Variants in TSHZ2 observed in about 807,000 individuals in gnomAD.
TSHZ2 encodes the protein teashirt homolog 2.
TSHZ2 carries 21 observed loss-of-function variants against 74.4 expected under a neutral mutation model. The ratio of observed to expected loss-of-function variants is 0.28; its 90% CI spans 0.20 to 0.41. TSHZ2 has a LOEUF of 0.41. TSHZ2 is among the 10% of genes least tolerant of loss of function. The pLI is 1.00. For missense variants in TSHZ2, 1,244 were observed against 1,293.5 expected (o/e 0.96, Z 0.59); for synonymous variants, 540 against 515.3 (o/e 1.05, Z -0.65).
At chr20:53,421,692 T>TTTG (rs1983476818) in intron 2 of TSHZ2, 2 of 141,758 alleles carry the variant, frequency 1.4e-5, no homozygotes, top group South Asian at 4.7e-4. Flanking sequence ...TTTTTTTTTT[T>TTTG]TTTTTTTTTT....
intron 1 of TSHZ2, among the ~76,000 whole-genome samples, chr20:53,228,556 G>T (rs1167398409): frequency 2.0e-5 from 3 of 152,130 alleles, no homozygotes; most frequent in Non-Finnish European, 4.4e-5. Flanking sequence ...ATTTTGGGAG[G>T]CTTAGCAGCA....
At chr20:53,181,927 TA>T (rs1321263506) in intron 1 of TSHZ2, among the ~76,000 whole-genome samples, 1 of 152,142 alleles carries the variant, frequency 6.6e-6, no homozygotes, top group Admixed American at 6.5e-5. Flanking sequence ...AACATGGTTT[TA>T]AAAAAATTAA....
At chr20:53,334,896 C>G (rs1410094992) in intron 2 of TSHZ2, among the ~76,000 whole-genome samples, 1 of 152,036 alleles carries the variant, frequency 6.6e-6, no homozygotes, top group South Asian at 2.1e-4. Flanking sequence ...ATTAGCCAGG[C>G]TGGTCTCGAA....
At chr20:53,455,188 T>A (rs1394175023) in intron 2 of TSHZ2, 1 of 152,248 alleles carries the variant, frequency 6.6e-6, no homozygotes, top group Non-Finnish European at 1.5e-5. Context: ...CCCTGGCCTT[T>A]CAGTAACGAT....
At chr20:53,388,783 A>G (rs1330850187) in intron 2 of TSHZ2, among the ~76,000 whole-genome samples, 6 of 151,798 alleles carry the variant, frequency 4.0e-5, no homozygotes, top group Admixed American at 3.3e-4. Context: ...GTTTTTCACC[A>G]TGTTAGCCAG....
At chr20:53,389,170 T>G (rs1325996599) in intron 2 of TSHZ2, among the ~76,000 whole-genome samples, 1 of 152,122 alleles carries the variant, frequency 6.6e-6, no homozygotes, top group African/African-American at 2.4e-5. Context: ...ACAGATAGGG[T>G]CCCCTCCTAG....
At chr20:53,328,560 G>T (rs1322723803) in intron 2 of TSHZ2, among the ~76,000 whole-genome samples, 1 of 152,204 alleles carries the variant, frequency 6.6e-6, no homozygotes, top group Non-Finnish European at 1.5e-5. Context: ...ATAAGCCATT[G>T]ATAATTGATT....
At chr20:53,220,179 G>T (rs900010508) in intron 1 of TSHZ2, among the ~76,000 whole-genome samples, 13 of 152,300 alleles carry the variant, frequency 8.5e-5, no homozygotes, top group African/African-American at 3.1e-4. Flanking sequence ...TAGCTAACTT[G>T]CCATGAAGGA....
chr20:53,380,936 T>C (rs1349136235), intron 2 of TSHZ2, among the ~76,000 whole-genome samples: 1 of 152,200 alleles, frequency 6.6e-6, no homozygotes, highest in African/African-American at 2.4e-5. Context: ...ATAGATACTA[T>C]AGTAATGACT....
At chr20:53,436,414 G>GAAGGACAC (rs1794971570) in intron 2 of TSHZ2, among the ~76,000 whole-genome samples, 1 of 152,060 alleles carries the variant, frequency 6.6e-6, no homozygotes, top group Non-Finnish European at 1.5e-5. Flanking sequence ...GCTGCCCAGG[G>GAAGGACAC]AAGGACACAC....
chr20:53,021,092 A>T (rs964181151), intron 1 of TSHZ2, among the ~76,000 whole-genome samples: 1 of 152,206 alleles, frequency 6.6e-6, no homozygotes, highest in African/African-American at 2.4e-5. Context: ...ATGGTGGACC[A>T]AACCATGGCA....
chr20:53,147,156 TG>T (rs1299445518), intron 1 of TSHZ2, among the ~76,000 whole-genome samples: 1 of 152,380 alleles, frequency 6.6e-6, no homozygotes, highest in African/African-American at 2.4e-5. Context: ...ACATATTTTT[TG>T]TTTCCTCATG....
intron 2 of TSHZ2, among the ~76,000 whole-genome samples, chr20:53,354,581 G>A (rs1019072224): frequency 1.7e-4 from 26 of 152,116 alleles, no homozygotes; most frequent in African/African-American, 5.8e-4. Flanking sequence ...TTGAATCAAA[G>A]GGTCACTTAA....
At chr20:53,154,776 C>T (rs953523107) in intron 1 of TSHZ2, among the ~76,000 whole-genome samples, 3 of 152,108 alleles carry the variant, frequency 2.0e-5, no homozygotes, top group Non-Finnish European at 4.4e-5. Context: ...GTGTAGCTCC[C>T]TCCAAATTTT....
intron 1 of TSHZ2, among the ~76,000 whole-genome samples, chr20:53,100,311 G>T (rs1986179771): frequency 6.6e-6 from 1 of 152,098 alleles, no homozygotes; most frequent in South Asian, 2.1e-4. Context: ...CCGTTTTCCA[G>T]GTCATTGCCC....
At chr20:53,169,675 G>A (rs1282346676) in intron 1 of TSHZ2, among the ~76,000 whole-genome samples, 1 of 152,134 alleles carries the variant, frequency 6.6e-6, no homozygotes, top group Non-Finnish European at 1.5e-5. Flanking sequence ...AGAATTAGAT[G>A]TCATTCCCCC....
rs1315659285 is a variant in TSHZ2 at position 53,255,816 on chromosome 20, A to G, written c.2358A>G (p.Pro786=). The G allele has an allele frequency of 6.2e-6, 10 of 1,613,386 alleles. No homozygotes were observed. Among genetic ancestry groups the G allele is most frequent in the East Asian group, 2.2e-5 (1 of 44,864 alleles). Residue 786 remains proline (P), a synonymous_variant, in exon 2 of 3, where the codon CCA becomes CCG. Coordinates refer to ENST00000371497, the MANE Select transcript of TSHZ2 (RefSeq NM_173485.6). This position sits in a 1 kb window ranked among gnomAD's most constrained non-coding sequence, Gnocchi z 4.1. ...CGCAAGCACAATCTTGTATGTCCCC[A>G]CCTCAGAAGCACGCTCTGTCTGACA... ...ESSQAQSCMS[P]PQKHALSDIA...
chr20:52,979,109 A>G (rs1459498401), intron 1 of TSHZ2, among the ~76,000 whole-genome samples: 5 of 152,158 alleles, frequency 3.3e-5, no homozygotes, highest in Non-Finnish European at 7.4e-5. Context: ...TTACCTGAAT[A>G]TTACAGTAAG....
Position 53,254,434 on chromosome 20 carries a change from G to A in TSHZ2, c.976G>A (p.Asp326Asn). Residue 326 changes from aspartate (D) to asparagine (N), a missense_variant, in exon 2 of 3, where the codon GAT becomes AAT. Physicochemically the swap from Asp to Asn is conservative, Grantham distance 23. Transcript: ENST00000371497. ...CACCCCGGCTAAGAAACGCGTTTTTGATGTCAATCGGCCGTGTTCCCCCGA... is the reference window on the plus strand; with the variant it reads ...CACCCCGGCTAAGAAACGCGTTTTTAATGTCAATCGGCCGTGTTCCCCCGA... ...MVTPAKKRVF[D>N]VNRPCSPDST... The A allele has an allele frequency of 8.1e-6, 13 of 1,613,088 alleles. No individual in the cohort carries two copies. Among genetic ancestry groups the A allele is most frequent in the Non-Finnish European group, 1.1e-5 (13 of 1,179,146 alleles).
Sources: allele counts gnomAD v4.1 joint callset (sites outside exome capture counted in the v4.1 genomes callset), GRCh38; gene constraint gnomAD v4.1.1; non-coding constraint Gnocchi (gnomAD v3.1); transcripts MANE v1.5; gene names NCBI Gene and HGNC (gene_info 2026-07-23, HGNC 2026-07-21).